The following CPT1A variants were observed in gnomAD, a reference collection of about 807,000 sequenced individuals.
The protein encoded by CPT1A is carnitine O-palmitoyltransferase 1, liver isoform.
In CPT1A, 64 loss-of-function variants were observed where a neutral mutation model predicts 100.8. The observed-to-expected ratio is 0.63, with a 90% CI of 0.52 to 0.78. CPT1A has a LOEUF of 0.78. Among genes scored for constraint, CPT1A ranks in the 30% least tolerant of loss-of-function variants. The pLI is 0.00. For synonymous variants in CPT1A, 363 were observed against 396.0 expected, an observed-to-expected ratio of 0.92 and a Z score of 0.99; for missense variants, 802 against 1,034.1, an observed-to-expected ratio of 0.78 and a Z score of 3.08.
At chr11:68,828,579 G>A (rs1397382792) in intron 1 of CPT1A, among the ~76,000 whole-genome samples, 1 of 152,206 alleles carries the variant, frequency 6.6e-6, no homozygotes, top group Non-Finnish European at 1.5e-5. Flanking sequence ...GTGGCTGGGA[G>A]CCCCAGCACG....
At chr11:68,811,827 T>C (rs1406853213) in intron 3 of CPT1A, among the ~76,000 whole-genome samples, 1 of 151,040 alleles carries the variant, frequency 6.6e-6, no homozygotes, top group Non-Finnish European at 1.5e-5. Context: ...AGGCGGCAGG[T>C]GGTTAGAAAA....
In CPT1A at chr11:68,793,394, A is replaced by AAG; in HGVS notation, c.886_887dup (p.Leu297PhefsTer33). ...AGCAGAGTGGAATCGTGGATCCCAA[A>AAG]AGACGAATCTGTAACAAAAATATAT... On this transcript the variant is annotated frameshift_variant, in exon 9 of 19. Coordinates refer to ENST00000265641, the MANE Select transcript of CPT1A (RefSeq NM_001876.4). LOFTEE classifies it high-confidence loss of function. 1 of 1,610,016 alleles carries AAG rather than the reference A, an allele frequency of 6.2e-7. No individual in the cohort carries two copies. Among genetic ancestry groups the AAG allele is most frequent in the East Asian group, 2.2e-5 (1 of 44,844 alleles).
chr11:68,776,993 C>T (rs1349007380), intron 12 of CPT1A, among the ~76,000 whole-genome samples: 1 of 152,170 alleles, frequency 6.6e-6, no homozygotes, highest in Non-Finnish European at 1.5e-5. Context: ...GCTGGCGAGG[C>T]GGCGGGGCGG....
intron 9 of CPT1A, among the ~76,000 whole-genome samples, chr11:68,786,187 C>T (rs1336507414): frequency 6.6e-6 from 1 of 152,072 alleles, no homozygotes; most frequent in East Asian, 1.9e-4. Context: ...CATGGCAAAA[C>T]CCTATCTCTA....
At chr11:68,839,593 G>A (rs1566395747) in intron 1 of CPT1A, 4 of 985,498 alleles carry the variant, frequency 4.1e-6, no homozygotes, top group Non-Finnish European at 4.8e-6. Flanking sequence ...CCAGCTGTGG[G>A]GACAGCTCGG....
At chr11:68,762,510 C>A in intron 15 of CPT1A, 117 bp downstream of exon 15, 5 of 1,313,234 alleles carry the variant, frequency 3.8e-6, no homozygotes, top group African/African-American at 1.4e-5. Flanking sequence ...GAATTGAGCA[C>A]CCCTAAAGAA....
intron 14 of CPT1A, among the ~76,000 whole-genome samples, chr11:68,772,216 G>A (rs981095347): frequency 5.9e-5 from 9 of 152,164 alleles, no homozygotes; most frequent in African/African-American, 2.2e-4. Flanking sequence ...AGCTGGGCAT[G>A]GGGGCGCACA....
At chr11:68,828,403 G>GCCC (rs34854628) in intron 1 of CPT1A, among the ~76,000 whole-genome samples, 214 of 151,576 alleles carry the variant, frequency 1.4e-3, no homozygotes, top group Non-Finnish European at 2.6e-3. Context: ...CTGGGTCAGG[G>GCCC]CCCCCCACCT....
intron 14 of CPT1A, among the ~76,000 whole-genome samples, chr11:68,767,941 T>C (rs1382756684): frequency 6.6e-6 from 1 of 152,104 alleles, no homozygotes; most frequent in African/African-American, 2.4e-5. Context: ...TTTTAAATAC[T>C]GAAGCCCTCA....
At chr11:68,793,632 G>A (rs1855679624) in intron 8 of CPT1A, among the ~76,000 whole-genome samples, 1 of 151,800 alleles carries the variant, frequency 6.6e-6, no homozygotes, top group Non-Finnish European at 1.5e-5. Context: ...TGTAGTCCCA[G>A]CTACTTGGGA....
chr11:68,779,033 C>G (rs1156791444), intron 12 of CPT1A, among the ~76,000 whole-genome samples: 10 of 152,104 alleles, frequency 6.6e-5, no homozygotes, highest in Non-Finnish European at 1.3e-4. Flanking sequence ...ATCCGCCTGC[C>G]TCGGCCTCCC....
chr11:68,812,412 T>C (rs761072715), intron 3 of CPT1A, 25 bp downstream of exon 3: 52 of 1,613,726 alleles, frequency 3.2e-5, no homozygotes, highest in Non-Finnish European at 4.2e-5. Flanking sequence ...TCCCAGACAA[T>C]TGGAGATTTC....
downstream of CPT1A, chr11:68,754,763 C>T (rs1946661474): frequency 2.6e-6 from 2 of 779,434 alleles, no homozygotes; most frequent in Middle Eastern, 2.3e-4. Context: ...TTGGTGATGT[C>T]CATGGTCTCC....
chr11:68,762,764 G>A lies in CPT1A; in HGVS notation c.1741-3C>T, dbSNP rs766056956. The A allele has an allele frequency of 6.2e-7, 1 of 1,614,084 alleles. No individual in the cohort carries two copies. The highest frequency in any genetic ancestry group is 1.1e-5 in the South Asian group (1 of 91,090). ...GTGAGGCAAAACTTGCCCATGTCCT[G>A]GGGAAAGAGAAGTACTTCAGTGCAC... On this transcript the variant is annotated splice_polypyrimidine_tract_variant and splice_region_variant and intron_variant, in intron 14 of 18. Transcript: ENST00000265641.
rs772889114 is a variant in CPT1A at position 68,812,588 on chromosome 11, C to T, written c.142-12G>A. The T allele has an allele frequency of 1.2e-5, 20 of 1,614,088 alleles. No individual in the cohort carries two copies. The highest frequency in any genetic ancestry group is 1.5e-5 in the Non-Finnish European group (18 of 1,179,982). ...GTGATGATGCCGTTCTAAAGACAGA[C>T]ACCCGGGCCGTGAGCGGTGTCCTCC... On this transcript the variant is annotated splice_polypyrimidine_tract_variant and intron_variant, in intron 2 of 18. Coordinates refer to ENST00000265641, the MANE Select transcript of CPT1A (RefSeq NM_001876.4).
chr11:68,772,832 A>G (rs1440210225), intron 14 of CPT1A, among the ~76,000 whole-genome samples: 3 of 152,078 alleles, frequency 2.0e-5, no homozygotes, highest in Non-Finnish European at 2.9e-5. Context: ...AGAGCGACAG[A>G]TGAAACGTGG....
intron 5 of CPT1A, among the ~76,000 whole-genome samples, chr11:68,800,936 A>G (rs1163168629): frequency 2.6e-5 from 4 of 152,064 alleles, no homozygotes; most frequent in Non-Finnish European, 4.4e-5. Flanking sequence ...GCAACATGGC[A>G]AGACCCTGTC....
chr11:68,822,894 C>A (rs1856623308), intron 1 of CPT1A, among the ~76,000 whole-genome samples: 1 of 152,110 alleles, frequency 6.6e-6, no homozygotes, highest in Non-Finnish European at 1.5e-5. Flanking sequence ...TCTACAGAGA[C>A]AGAAAGTACA....
chr11:68,769,040 C>T (rs1854908044), intron 14 of CPT1A, among the ~76,000 whole-genome samples: 1 of 152,146 alleles, frequency 6.6e-6, no homozygotes, highest in African/African-American at 2.4e-5. Flanking sequence ...CCGTATTTTT[C>T]CTCTCTTGTG....
Sources: gnomAD v4.1 joint callset for allele counts (sites outside exome capture counted in the v4.1 genomes callset) on GRCh38, gnomAD v4.1.1 for gene constraint, MANE v1.5 for transcripts, NCBI Gene and HGNC (gene_info 2026-07-23, HGNC 2026-07-21) for gene names.